The following MS4A14 variants were observed in gnomAD, a reference collection of about 807,000 sequenced individuals.
MS4A14 encodes the protein membrane spanning 4-domains A14.
MS4A14 carries 18 observed loss-of-function variants against 16.7 expected under a neutral mutation model. The ratio of observed to expected loss-of-function variants is 1.08; its 90% confidence interval spans 0.75 to 1.60. The LOEUF (loss-of-function observed/expected upper bound fraction) is 1.60. Ranked by LOEUF, MS4A14 falls within the 40% of genes most tolerant of loss-of-function variation. The pLI is 0.00. For synonymous variants in MS4A14, 305 were observed against 289.4 expected, an observed-to-expected ratio of 1.05 and a Z score of -0.55; for missense variants, 812 against 775.3, an observed-to-expected ratio of 1.05 and a Z score of -0.56.
rs746121696 is a variant in MS4A14 at position 60,416,860 on chromosome 11, C to T, written c.1892C>T (p.Ala631Val). The change falls in exon 5 of 5, where the codon GCT becomes GTT. Residue 631 changes from alanine (A) to valine (V), a missense_variant. Ala to Val is a moderately conservative substitution (Grantham distance 64, BLOSUM62 0). Coordinates refer to ENST00000300187, the MANE Select transcript of MS4A14 (RefSeq NM_032597.5). The stretch of plus-strand genomic sequence containing the variant: ...AATGTTCAAGCCGAAGGACAGCAAG[C>T]TCAGGTGGAGAAAGTGCCAAAACTG... Reference protein sequence around the residue: ...FQNVQAEGQQAQVEKVPKLLC... With the variant: ...FQNVQAEGQQVQVEKVPKLLC... 35 of 1,613,590 alleles carry T rather than the reference C, an allele frequency of 2.2e-5. No homozygotes were observed. Among genetic ancestry groups the T allele is most frequent in the Non-Finnish European group, 3.0e-5 (35 of 1,179,822 alleles).
In MS4A14 at chr11:60,416,637, A is replaced by T; in HGVS notation, c.1669A>T (p.Thr557Ser). 1.2e-6 allele frequency: 2 copies of T among 1,613,900 alleles called. No homozygotes were observed. Among genetic ancestry groups the T allele is most frequent in the Non-Finnish European group, 1.7e-6 (2 of 1,179,934 alleles). ...AGATAAGCAAGCTCAACTTAATCAA[A>T]CTAAAGAGCAACTCCCAGATCAGCA... is the stretch of plus-strand genomic sequence containing the variant. Reference protein sequence around the residue: ...SVDKQAQLNQTKEQLPDQQAE... With the variant: ...SVDKQAQLNQSKEQLPDQQAE... The change falls in exon 5 of 5, where the codon ACT becomes TCT. Residue 557 changes from threonine (T) to serine (S), a missense_variant. Physicochemically the swap from Thr to Ser is moderately conservative, Grantham distance 58. Transcript: ENST00000300187.
intron 3 of MS4A14, among the ~76,000 whole-genome samples, chr11:60,401,527 C>G (rs1017899658): frequency 5.9e-5 from 9 of 152,308 alleles, no homozygotes; most frequent in Admixed American, 3.9e-4. Context: ...GGATGCTGAA[C>G]CAGGCATCAG....
rs981161236 is a variant in MS4A14 at position 60,416,490 on chromosome 11, A to T, written c.1522A>T (p.Lys508Ter). ...LRRHSLDVQA[K>*]GQKSSKRHSL... is the part of the protein sequence containing the mutation. ...GAGACATTCTTTAGACGTGCAAGCCAAAGGCCAGAAATCCTCAAAGAGGCA... is the reference window on the plus strand; with the variant it reads ...GAGACATTCTTTAGACGTGCAAGCCTAAGGCCAGAAATCCTCAAAGAGGCA... The change falls in exon 5 of 5, where the codon AAA becomes TAA. Residue 508 changes from lysine (K) to a stop codon, truncating the protein, a stop_gained. Transcript: ENST00000300187. LOFTEE classifies it low-confidence loss of function (END_TRUNC). The T allele has an allele frequency of 1.2e-6, 2 of 1,613,838 alleles. No individual in the cohort carries two copies. Among genetic ancestry groups the T allele is most frequent in the Non-Finnish European group, 1.7e-6 (2 of 1,179,948 alleles).
chr11:60,402,626 C>A (rs956257111), intron 3 of MS4A14, among the ~76,000 whole-genome samples: 10 of 152,018 alleles, frequency 6.6e-5, no homozygotes, highest in African/African-American at 2.2e-4. Flanking sequence ...GTACTGCTTC[C>A]AGATTATGAA....
intron 4 of MS4A14, among the ~76,000 whole-genome samples, chr11:60,411,883 T>A (rs1318252347): frequency 6.6e-6 from 1 of 152,158 alleles, no homozygotes; most frequent in African/African-American, 2.4e-5. Flanking sequence ...CACCACTGAG[T>A]ATGATATTAG....
chr11:60,406,017 A>G, intron 4 of MS4A14: 1 of 1,360,628 alleles, frequency 7.3e-7, no homozygotes, highest in Non-Finnish European at 9.7e-7. Flanking sequence ...AATATTATTA[A>G]GAGAACAGGT....
At chr11:60,414,931 T>C (rs778017193) in intron 4 of MS4A14, among the ~76,000 whole-genome samples, 1 of 152,118 alleles carries the variant, frequency 6.6e-6, no homozygotes. Context: ...AATTAGGTCA[T>C]CTTCTATGTT....
Position 60,416,124 on chromosome 11 carries a change from C to T in MS4A14, c.1156C>T (p.Leu386=). 1.2e-6 allele frequency: 2 copies of T among 1,609,906 alleles called. No homozygotes were observed. The highest frequency in any genetic ancestry group is 1.1e-5 in the South Asian group (1 of 90,624). The change falls in exon 5 of 5, where the codon CTA becomes TTA. Residue 386 remains leucine, a synonymous_variant. Coordinates refer to ENST00000300187, the MANE Select transcript of MS4A14 (RefSeq NM_032597.5). ...TSQDMQSLDM[L]SQDTPSHAMP... is the part of the protein sequence containing the mutation. ...CCAAGATATGCAATCCCTAGATATG[C>T]TATCTCAAGACACACCATCCCACGC...
In MS4A14 at chr11:60,397,866, G is replaced by A. The variant is rs758130472; in HGVS notation, c.153G>A (p.Leu51=). ...TCTCCTCACAGGCTACCCAGATCCT[G>A]CTTGCTCTAATCATTGTGGGCTTTG... The part of the protein sequence containing the change: ...EPRVLGATQI[L]LALIIVGFGT... The change falls in exon 2 of 5, where the codon CTG becomes CTA. Residue 51 remains leucine (L), a synonymous_variant. Transcript: ENST00000300187. 4.5e-6 allele frequency: 7 copies of A among 1,571,888 alleles called. No individual in the cohort carries two copies. The Admixed American group carries it at 7.3e-5, about 16-fold the overall frequency.
chr11:60,397,638 G>A (rs1396500937), intron 1 of MS4A14, among the ~76,000 whole-genome samples: 1 of 152,144 alleles, frequency 6.6e-6, no homozygotes, highest in African/African-American at 2.4e-5. Flanking sequence ...GAATAAAAGT[G>A]AAGGATTTGA....
chr11:60,404,125 T>A (rs190053709), intron 4 of MS4A14, among the ~76,000 whole-genome samples: 203 of 152,376 alleles, frequency 1.3e-3, no homozygotes, highest in Non-Finnish European at 1.8e-3. Flanking sequence ...TACTGTTTGT[T>A]ATGTTCGTAT....
chr11:60,397,512 ATAGTT>A (rs2085644533), intron 1 of MS4A14, among the ~76,000 whole-genome samples: 1 of 152,198 alleles, frequency 6.6e-6, no homozygotes, highest in Non-Finnish European at 1.5e-5. Context: ...GTAAAGGTGA[ATAGTT>A]TATAGTCCCT....
chr11:60,408,067 A>G (rs2085813661), intron 4 of MS4A14, among the ~76,000 whole-genome samples: 1 of 151,978 alleles, frequency 6.6e-6, no homozygotes, highest in Non-Finnish European at 1.5e-5. Context: ...GTACAGTTGT[A>G]GGGTAAGGTT....
intron 4 of MS4A14, among the ~76,000 whole-genome samples, chr11:60,406,471 A>G (rs945032811): frequency 2.6e-5 from 4 of 152,216 alleles, no homozygotes; most frequent in African/African-American, 9.7e-5. Flanking sequence ...CTGAGCACCA[A>G]CTTAATCTTA....
chr11:60,407,875 T>C (rs892940785), intron 4 of MS4A14, among the ~76,000 whole-genome samples: 1 of 152,198 alleles, frequency 6.6e-6, no homozygotes, highest in Non-Finnish European at 1.5e-5. Context: ...ATAGCTTCTT[T>C]GAAAAAAACA....
intron 2 of MS4A14, among the ~76,000 whole-genome samples, chr11:60,399,336 T>A (rs936362928): frequency 5.9e-5 from 9 of 152,132 alleles, no homozygotes; most frequent in African/African-American, 1.7e-4. Context: ...AAGGAAAGCA[T>A]CCCTGGCAAA....
intron 4 of MS4A14, among the ~76,000 whole-genome samples, chr11:60,409,976 G>A (rs1268994782): frequency 6.6e-6 from 1 of 152,108 alleles, no homozygotes; most frequent in Non-Finnish European, 1.5e-5. Flanking sequence ...AGTCTCCTGA[G>A]TACCTGGGAT....
intron 2 of MS4A14, among the ~76,000 whole-genome samples, chr11:60,398,738 T>C (rs1229452700): frequency 1.3e-5 from 2 of 152,222 alleles, no homozygotes; most frequent in African/African-American, 4.8e-5. Context: ...TCTCTGACTA[T>C]TAAAAATCCA....
chr11:60,403,319 A>G (rs545087814), intron 4 of MS4A14, among the ~76,000 whole-genome samples: 15 of 152,060 alleles, frequency 9.9e-5, no homozygotes, highest in African/African-American at 3.6e-4. Flanking sequence ...CAAGTGGAAA[A>G]TGAACATAAT....
Sources: allele counts gnomAD v4.1 joint callset (sites outside exome capture counted in the v4.1 genomes callset), GRCh38; gene constraint gnomAD v4.1.1; transcripts MANE v1.5; gene names NCBI Gene and HGNC (gene_info 2026-07-23, HGNC 2026-07-21).